SCP2: variants seen among roughly 807,000 people sequenced by gnomAD.
SCP2 encodes sterol carrier protein 2, also known as SCP-2/3-oxoacyl-CoA thiolase.
SCP2 carries 48 observed loss-of-function variants against 71.4 expected under a neutral mutation model. The observed-to-expected ratio is 0.67, with a 90% CI of 0.53 to 0.86. The LOEUF (loss-of-function observed/expected upper bound fraction) is 0.86, where lower values mean the gene tolerates loss of function less well. SCP2 is among the 40% of genes least tolerant of loss of function. The pLI is 0.00. For synonymous variants in SCP2, 220 were observed against 218.1 expected (o/e 1.01, Z -0.08); for missense variants, 560 against 655.6 (o/e 0.85, Z 1.59).
At chr1:52,943,862 T>G in intron 2 of SCP2, 1 of 447,596 alleles carries the variant, frequency 2.2e-6, no homozygotes, top group Non-Finnish European at 4.5e-6. Flanking sequence ...GCGAGCAGCT[T>G]TTATAGCCAG....
intron 11 of SCP2, chr1:52,993,487 T>C (rs1186427302): frequency 6.2e-7 from 1 of 1,613,306 alleles, no homozygotes; most frequent in African/African-American, 1.3e-5. Context: ...GAATCTGTCT[T>C]TGAAACTTAT....
chr1:53,011,327 G>A (rs1410758243), intron 11 of SCP2, among the ~76,000 whole-genome samples: 2 of 152,188 alleles, frequency 1.3e-5, no homozygotes, highest in African/African-American at 4.8e-5. Context: ...AACTCAAAAT[G>A]TTATCTCCTA....
intron 11 of SCP2, among the ~76,000 whole-genome samples, chr1:53,005,085 C>T (rs12566048): frequency 0.037 from 5,642 of 152,236 alleles, 209 homozygotes; most frequent in East Asian, 0.2. Flanking sequence ...GAGGGGCATC[C>T]GCCTTTGCTG....
Position 52,950,755 on chromosome 1 carries a change from G to C in SCP2, c.200G>C (p.Gly67Ala). 4.3e-6 allele frequency: 7 copies of C among 1,613,304 alleles called. No individual in the cohort carries two copies. The South Asian group carries it at 4.4e-5, about 10-fold the overall frequency. Residue 67 changes from glycine (G) to alanine (A), a missense_variant and splice_region_variant, in exon 4 of 16, where the codon GGT becomes GCT. Physicochemically the swap from Gly to Ala is moderately conservative, Grantham distance 60. This residue lies in a region of SCP2 where 513 missense variants were observed against 573.1 expected (regional missense o/e 0.90). Transcript: ENST00000371514. ...VDQACVGYVF[G>A]DSTCGQRAIY... ...TTAAAATTTTTGTTTTTCTATTCAG[G>C]TGACTCTACCTGTGGGCAGAGGGCT...
intron 6 of SCP2, among the ~76,000 whole-genome samples, chr1:52,974,183 TA>T (rs1301053263): frequency 2.6e-5 from 4 of 152,176 alleles, no homozygotes; most frequent in African/African-American, 9.6e-5. Flanking sequence ...TTTATCTTTT[TA>T]AAAGTAGTAA....
At chr1:52,974,931 T>C in intron 7 of SCP2, 99 bp downstream of exon 7, 1 of 739,196 alleles carries the variant, frequency 1.4e-6, no homozygotes, top group Non-Finnish European at 2.5e-6. Flanking sequence ...ATCTCAAATA[T>C]TTTAACTAGA....
At chr1:52,999,645 A>G (rs996749163) in intron 11 of SCP2, among the ~76,000 whole-genome samples, 2 of 152,150 alleles carry the variant, frequency 1.3e-5, no homozygotes, top group Non-Finnish European at 2.9e-5. Context: ...AAAAACATTA[A>G]TTCCTTTTAG....
At chr1:52,961,679 A>T (rs747112608) in intron 6 of SCP2, 50 bp downstream of exon 6, 2 of 1,497,808 alleles carry the variant, frequency 1.3e-6, no homozygotes, top group South Asian at 2.3e-5. Flanking sequence ...TATATACATG[A>T]GATGAGAAAT....
At chr1:53,018,944 C>G (rs1347034949) in intron 12 of SCP2, among the ~76,000 whole-genome samples, 1 of 152,138 alleles carries the variant, frequency 6.6e-6, no homozygotes, top group East Asian at 1.9e-4. Context: ...AATGATCCCT[C>G]AGACTTTCTT....
At chr1:52,986,168 C>A (rs11206060) in intron 10 of SCP2, among the ~76,000 whole-genome samples, 1 of 151,986 alleles carries the variant, frequency 6.6e-6, no homozygotes, top group African/African-American at 2.4e-5. Flanking sequence ...TAGGGGAGAG[C>A]GTTCATTTAC....
At chr1:52,978,825 A>G (rs538581857) in intron 9 of SCP2, among the ~76,000 whole-genome samples, 53 of 152,188 alleles carry the variant, frequency 3.5e-4, no homozygotes, top group African/African-American at 1.3e-3. Flanking sequence ...GCCTTCCAAA[A>G]TGCTGGGATT....
chr1:53,007,042 A>G (rs1006048579), intron 11 of SCP2, among the ~76,000 whole-genome samples: 1 of 152,246 alleles, frequency 6.6e-6, no homozygotes, highest in African/African-American at 2.4e-5. Flanking sequence ...GAAGGCCATT[A>G]CATAATGATA....
intron 13 of SCP2, among the ~76,000 whole-genome samples, chr1:53,032,152 G>GATAC (rs1355832340): frequency 6.6e-6 from 1 of 152,214 alleles, no homozygotes; most frequent in Non-Finnish European, 1.5e-5. Flanking sequence ...TATGGTGCCA[G>GATAC]ATACAGCTCT....
intron 11 of SCP2, among the ~76,000 whole-genome samples, chr1:53,011,426 T>TTATC (rs1183089184): frequency 6.6e-6 from 1 of 152,218 alleles, no homozygotes; most frequent in East Asian, 1.9e-4. Context: ...GAATCCTCTG[T>TTATC]TATCTTTAAC....
intron 13 of SCP2, among the ~76,000 whole-genome samples, chr1:53,035,571 AAGTAC>A (rs1662866836): frequency 6.6e-6 from 1 of 151,966 alleles, no homozygotes; most frequent in Admixed American, 6.6e-5. Context: ...AGTGATTATA[AAGTAC>A]ATATAAAGGA....
intron 2 of SCP2, among the ~76,000 whole-genome samples, chr1:52,945,422 C>T (rs1654686138): frequency 1.3e-5 from 2 of 152,094 alleles, no homozygotes; most frequent in South Asian, 4.1e-4. Flanking sequence ...TGGAAAAGGG[C>T]CAGGTGTGGT....
In SCP2 at chr1:52,941,975, C is replaced by G. The variant is rs992186895; in HGVS notation, c.127+122C>G. The G allele has an allele frequency of 1.1e-5, 8 of 710,834 alleles. No individual in the cohort carries two copies. The Admixed American group carries it at 1.5e-4, about 13-fold the overall frequency. 44.0% of individuals were successfully genotyped at this position (710,834 alleles called of 1,614,324 possible). A position where few individuals can be genotyped will look rare whatever the true frequency, so the allele number is the denominator to read the frequency against. Reference sequence around the variant, plus strand: ...CCCAGTCAAGGGAGAAGAACCCGTACAGAGAAATGTCTAGTGACTCACTAC... The same window carrying G: ...CCCAGTCAAGGGAGAAGAACCCGTAGAGAGAAATGTCTAGTGACTCACTAC... On this transcript the variant is annotated intron_variant, in intron 2 of 15. Transcript: ENST00000371514.
At chr1:52,943,881 TG>T in intron 2 of SCP2, 1 of 452,088 alleles carries the variant, frequency 2.2e-6, no homozygotes. Flanking sequence ...AGTTGCTTCC[TG>T]GATGCTTTAC....
At chr1:53,001,573 G>T (rs1284387020) in intron 11 of SCP2, among the ~76,000 whole-genome samples, 1 of 152,172 alleles carries the variant, frequency 6.6e-6, no homozygotes, top group African/African-American at 2.4e-5. Context: ...TAGAGGCATG[G>T]AGAGTTTAAA....
Sources: allele counts gnomAD v4.1 joint callset (sites outside exome capture counted in the v4.1 genomes callset), GRCh38; gene constraint gnomAD v4.1.1; regional missense constraint gnomAD v4.1.1; transcripts MANE v1.5; gene names NCBI Gene and HGNC (gene_info 2026-07-23, HGNC 2026-07-21).